The following LHFPL3 variants were observed in gnomAD, a reference collection of about 807,000 sequenced individuals.
The protein encoded by LHFPL3 is LHFPL tetraspan subfamily member 3 protein.
Under a neutral mutation model 19.3 loss-of-function variants are expected in LHFPL3, and 5 were observed. The ratio of observed to expected loss-of-function variants is 0.26; its 90% CI spans 0.14 to 0.54. The LOEUF (loss-of-function observed/expected upper bound fraction) is 0.54. Ranked by LOEUF, LHFPL3 falls within the 20% of genes least tolerant of loss-of-function variation. LHFPL3 has a pLI of 0.94. For missense variants in LHFPL3, 249 were observed against 307.4 expected (o/e 0.81, Z 1.42); for synonymous variants, 133 against 126.2 (o/e 1.05, Z -0.36).
In LHFPL3 at chr7:104,399,361, AT is replaced by A. The variant is rs1791262715; in HGVS notation, c.445+70144del. Among the ~76,000 whole-genome samples, 1 of 151,758 alleles carries A rather than the reference AT, an allele frequency of 6.6e-6. No homozygotes were observed. Among genetic ancestry groups the A allele is most frequent in the Non-Finnish European group, 1.5e-5 (1 of 67,938 alleles). Reference sequence around the variant, plus strand: ...ATGTAACTTTACTATTGCTCTGATAATTTTTTTCCCATTTATCCTGTAACTG... The same window carrying A: ...ATGTAACTTTACTATTGCTCTGATAATTTTTTCCCATTTATCCTGTAACTG... On this transcript the variant is annotated intron_variant, in intron 1 of 2. Coordinates refer to ENST00000424859, the MANE Select transcript of LHFPL3 (RefSeq NM_199000.3). The surrounding 1 kb of genome is among the most constrained non-coding windows in gnomAD (Gnocchi z 4.4).
At chr7:104,366,754 T>C (rs1326927669) in intron 1 of LHFPL3, among the ~76,000 whole-genome samples, 1 of 152,224 alleles carries the variant, frequency 6.6e-6, no homozygotes, top group African/African-American at 2.4e-5. Context: ...TGGCTTTGAC[T>C]ACATTCTTGA....
intron 1 of LHFPL3, among the ~76,000 whole-genome samples, chr7:104,502,247 A>G (rs1440003714): frequency 6.6e-6 from 1 of 152,192 alleles, no homozygotes; most frequent in African/African-American, 2.4e-5. Context: ...CTTGCTTGCT[A>G]ACACCTGAAA....
intron 1 of LHFPL3, among the ~76,000 whole-genome samples, chr7:104,401,252 G>GT (rs1318552523): frequency 6.6e-6 from 1 of 152,106 alleles, no homozygotes; most frequent in Non-Finnish European, 1.5e-5. Context: ...CCAAATTAGT[G>GT]TATAAGGCTC....
chr7:104,526,464 G>A (rs996086573), intron 1 of LHFPL3, among the ~76,000 whole-genome samples: 1 of 152,150 alleles, frequency 6.6e-6, no homozygotes, highest in Non-Finnish European at 1.5e-5. Flanking sequence ...GTTACAAATG[G>A]CAAATTCATT....
intron 1 of LHFPL3, among the ~76,000 whole-genome samples, chr7:104,494,293 C>T (rs762658841): frequency 3.0e-4 from 46 of 152,222 alleles, no homozygotes; most frequent in Non-Finnish European, 5.4e-4. Context: ...TGCCCTGAGC[C>T]ATCTGGTGCC....
chr7:104,588,008 GGATATTAGCCCGTTGTCA>G (rs2115610607), intron 1 of LHFPL3, among the ~76,000 whole-genome samples: 1 of 152,180 alleles, frequency 6.6e-6, no homozygotes, highest in African/African-American at 2.4e-5. Flanking sequence ...TGTAGATTCT[GGATATTAGCCCGTTGTCA>G]GATGAGTAGA....
At chr7:104,896,749 C>A (rs1414394645) in intron 2 of LHFPL3, among the ~76,000 whole-genome samples, 1 of 152,026 alleles carries the variant, frequency 6.6e-6, no homozygotes, top group Non-Finnish European at 1.5e-5. Context: ...ATTAGCTGTG[C>A]TAGGCAGTTA....
At chr7:104,483,481 C>G (rs1562911746) in intron 1 of LHFPL3, among the ~76,000 whole-genome samples, 2 of 152,086 alleles carry the variant, frequency 1.3e-5, no homozygotes, top group African/African-American at 2.4e-5. Context: ...CTGTTTGTCT[C>G]AAGAAATAAA....
intron 2 of LHFPL3, among the ~76,000 whole-genome samples, chr7:104,775,131 C>A (rs140936951): frequency 0.018 from 2,689 of 152,284 alleles, 78 homozygotes; most frequent in African/African-American, 0.06. Context: ...GTGGCTCATG[C>A]CTGTAATTCT....
At chr7:104,825,980 C>T (rs1790811319) in intron 2 of LHFPL3, among the ~76,000 whole-genome samples, 1 of 151,826 alleles carries the variant, frequency 6.6e-6, no homozygotes, top group African/African-American at 2.4e-5. Flanking sequence ...GACACATTGC[C>T]GCCCCCAACA....
chr7:104,680,405 A>G (rs890096565), intron 1 of LHFPL3, among the ~76,000 whole-genome samples: 4 of 152,196 alleles, frequency 2.6e-5, no homozygotes, highest in Non-Finnish European at 5.9e-5. Flanking sequence ...GGCTGCAGGA[A>G]AAGTGCCAGC....
At chr7:104,674,949 A>G (rs922196209) in intron 1 of LHFPL3, among the ~76,000 whole-genome samples, 2 of 152,276 alleles carry the variant, frequency 1.3e-5, no homozygotes, top group Non-Finnish European at 2.9e-5. Flanking sequence ...TATTCATTCA[A>G]CTATGCTGTA....
intron 2 of LHFPL3, among the ~76,000 whole-genome samples, chr7:104,860,084 C>T (rs766084887): frequency 2.6e-5 from 4 of 151,934 alleles, no homozygotes; most frequent in Non-Finnish European, 2.9e-5. Flanking sequence ...AAATAAAGTA[C>T]GACCCATAAC....
intron 2 of LHFPL3, among the ~76,000 whole-genome samples, chr7:104,902,310 G>A (rs377327716): frequency 2.0e-5 from 3 of 151,702 alleles, no homozygotes; most frequent in Admixed American, 1.3e-4. Context: ...TGAGCCTGGA[G>A]GTGGTAGAGG....
intron 1 of LHFPL3, among the ~76,000 whole-genome samples, chr7:104,715,268 T>C (rs1480559480): frequency 6.6e-6 from 1 of 152,226 alleles, no homozygotes; most frequent in Non-Finnish European, 1.5e-5. Flanking sequence ...GTGAGTCTGA[T>C]ACCCCCTTGA....
At chr7:104,372,806 G>A (rs1306069582) in intron 1 of LHFPL3, among the ~76,000 whole-genome samples, 1 of 152,108 alleles carries the variant, frequency 6.6e-6, no homozygotes, top group African/African-American at 2.4e-5. Context: ...CAATATACAG[G>A]TTGCTGTGTT....
rs1791959570 is a variant in LHFPL3, at chr7:104,647,880, G to T, written c.446-88795G>T. Among the ~76,000 whole-genome samples, 3 of 152,202 alleles carry T rather than the reference G, an allele frequency of 2.0e-5. No individual in the cohort carries two copies. In the South Asian group the frequency reaches 6.2e-4, roughly 31 times the overall value. ...ACAATTCGTTGGCCAGAGAGGAAAG[G>T]GAGTTGGGAAGTGTCAGCCAACCAC... is the stretch of plus-strand genomic sequence containing the variant. On this transcript the variant is annotated intron_variant, in intron 1 of 2. Transcript: ENST00000424859.
At chr7:104,396,591 C>T (rs1791189447) in intron 1 of LHFPL3, among the ~76,000 whole-genome samples, 1 of 151,322 alleles carries the variant, frequency 6.6e-6, no homozygotes. Flanking sequence ...CCAGCCCATA[C>T]CCTTCATTAG....
intron 1 of LHFPL3, among the ~76,000 whole-genome samples, chr7:104,406,030 C>G (rs776778299): frequency 3.0e-4 from 46 of 152,204 alleles, no homozygotes; most frequent in Non-Finnish European, 5.4e-4. Flanking sequence ...GTGTATCTGA[C>G]CAAGAGTCTG....
Sources: allele counts gnomAD v4.1 joint callset (sites outside exome capture counted in the v4.1 genomes callset), GRCh38; gene constraint gnomAD v4.1.1; non-coding constraint Gnocchi (gnomAD v3.1); transcripts MANE v1.5; gene names NCBI Gene and HGNC (gene_info 2026-07-23, HGNC 2026-07-21).